The following OTOP1 variants were observed in gnomAD, a reference collection of about 807,000 sequenced individuals.
OTOP1 encodes proton channel OTOP1.
Under a neutral mutation model 52.9 loss-of-function variants are expected in OTOP1, and 59 were observed. The ratio of observed to expected loss-of-function variants is 1.12; its 90% CI spans 0.91 to 1.39. OTOP1 has a LOEUF of 1.39. Ranked by LOEUF, OTOP1 falls within the 40% of genes most tolerant of loss-of-function variation. The pLI is 0.00. For missense variants in OTOP1, 761 were observed against 800.9 expected (o/e 0.95, Z 0.60); for synonymous variants, 317 against 337.7 (o/e 0.94, Z 0.67).
rs371681642 is a variant in OTOP1, at chr4:4,210,354, C to A, written c.540+2514G>T. The stretch of plus-strand genomic sequence containing the variant: ...CAGCTTGGGCTGCCGTAACAAAGGA[C>A]CACAGACCATCAGCTTCAATCACAG... On this transcript the variant is annotated intron_variant, in intron 2 of 5. Transcript: ENST00000296358. Among the ~76,000 whole-genome samples the A allele has an allele frequency of 1.3e-3, 202 of 152,320 alleles. 3 individuals are homozygous for A. The South Asian group carries it at 0.039, about 30-fold the overall frequency.
chr4:4,204,345 C>A (rs1004659782), intron 3 of OTOP1, among the ~76,000 whole-genome samples: 2 of 152,124 alleles, frequency 1.3e-5, no homozygotes, highest in Admixed American at 6.5e-5. Context: ...TTATATAGAG[C>A]CTTTGACAAA....
chr4:4,215,068 G>A lies in OTOP1; in HGVS notation c.404-2064C>T, dbSNP rs1717110536. On this transcript the variant is annotated intron_variant, in intron 1 of 5. Coordinates refer to ENST00000296358, the MANE Select transcript of OTOP1 (RefSeq NM_177998.3). ...AGTCCAAGGTGGGAGGATCACTTGA[G>A]GCCAAGAGCCTAAGCAACCCCATCT... 2.6e-5 allele frequency among the ~76,000 whole-genome samples: 4 copies of A among 152,132 alleles called. No homozygotes were observed. In the South Asian group the frequency reaches 8.3e-4, roughly 32 times the overall value.
intron 3 of OTOP1, among the ~76,000 whole-genome samples, chr4:4,204,160 CA>C (rs202241280): frequency 2.6e-5 from 4 of 152,250 alleles, no homozygotes; most frequent in South Asian, 4.2e-4. Context: ...AAACTGCAGG[CA>C]AAACCTTGCC....
chr4:4,225,559 A>T (rs1717410096), intron 1 of OTOP1, among the ~76,000 whole-genome samples: 1 of 74,618 alleles, frequency 1.3e-5, no homozygotes, highest in Non-Finnish European at 2.6e-5. Flanking sequence ...ATAGAGCAAC[A>T]TTGTCTCAAA....
In OTOP1 at chr4:4,198,172, A is replaced by G. The variant is rs1335089977; in HGVS notation, c.731-69T>C. The G allele has an allele frequency of 2.2e-6, 3 of 1,362,934 alleles. No individual in the cohort carries two copies. In the African/African-American group the frequency reaches 4.3e-5, roughly 20 times the overall value. 84.4% of individuals were successfully genotyped at this position (1,362,934 alleles called of 1,614,324 possible). On this transcript the variant is annotated intron_variant, in intron 4 of 5. Coordinates refer to ENST00000296358, the MANE Select transcript of OTOP1 (RefSeq NM_177998.3). The stretch of plus-strand genomic sequence containing the variant: ...GCAAGGGGGAACAGAAAAGCACAGA[A>G]AACTGTTTCCACCGTGGATTCAGGC...
In OTOP1 at chr4:4,194,699, G is replaced by C. The variant is rs2980120; in HGVS notation, c.1668+2467C>G. On this transcript the variant is annotated intron_variant, in intron 5 of 5. Coordinates refer to ENST00000296358, the MANE Select transcript of OTOP1 (RefSeq NM_177998.3). ...TGCTAGGGCAACAGAGAGCAGGCTT[G>C]ATAACGGAGGCTGGTAGCAAAGAGC... Among the ~76,000 whole-genome samples, 633 of 152,330 alleles carry C rather than the reference G, an allele frequency of 4.2e-3. 4 individuals are homozygous for C. Among genetic ancestry groups the C allele is most frequent in the African/African-American group, 0.014 (599 of 41,574 alleles).
intron 1 of OTOP1, among the ~76,000 whole-genome samples, chr4:4,218,709 C>T (rs1206546282): frequency 6.6e-6 from 1 of 152,116 alleles, no homozygotes; most frequent in Non-Finnish European, 1.5e-5. Context: ...GGGTGGAACA[C>T]TTGAGGTCAG....
chr4:4,216,479 A>G (rs1483728557), intron 1 of OTOP1, among the ~76,000 whole-genome samples: 2 of 152,130 alleles, frequency 1.3e-5, no homozygotes, highest in Non-Finnish European at 2.9e-5. Context: ...AGCAGAGAGG[A>G]GGGCATGAGC....
At chr4:4,208,983 C>T (rs1716969342) in intron 2 of OTOP1, among the ~76,000 whole-genome samples, 1 of 152,164 alleles carries the variant, frequency 6.6e-6, no homozygotes, top group Non-Finnish European at 1.5e-5. Context: ...TCTAGAGGCT[C>T]AAAGCCAGAG....
In OTOP1 at chr4:4,188,821, C is replaced by A. The variant is rs1716416293; in HGVS notation, c.1821G>T (p.Glu607Asp). 6.2e-7 allele frequency: 1 copy of A among 1,613,350 alleles called. No homozygotes were observed. The highest frequency in any genetic ancestry group is 8.5e-7 in the Non-Finnish European group (1 of 1,179,592). Residue 607 changes from glutamate to aspartate, a missense_variant, in exon 6 of 6, where the codon GAG (glutamate) becomes GAT (aspartate). Glu to Asp is a conservative substitution (Grantham distance 45). This residue lies in a region of OTOP1 where 632 missense variants were observed against 619.5 expected (regional missense o/e 1.02). Coordinates refer to ENST00000296358, the MANE Select transcript of OTOP1 (RefSeq NM_177998.3). ...ACCCAGACTATATCTTACAATAGAC[C>A]TCAAAGAGGGAGGCAGCTGCGTGCA... is the stretch of plus-strand genomic sequence containing the variant. ...YRMHAAASLF[E>D]VYCKI
chr4:4,201,066 T>A (rs2108798813), intron 4 of OTOP1, among the ~76,000 whole-genome samples: 1 of 152,300 alleles, frequency 6.6e-6, no homozygotes, highest in South Asian at 2.1e-4. Context: ...CTCGATCACG[T>A]GTTCACTGTG....
intron 5 of OTOP1, among the ~76,000 whole-genome samples, chr4:4,191,796 A>G (rs1332499509): frequency 6.6e-6 from 1 of 152,166 alleles, no homozygotes; most frequent in Non-Finnish European, 1.5e-5. Context: ...CCTGGTTTGT[A>G]AGCCCCATAA....
chr4:4,205,371 G>A (rs1389800377), intron 3 of OTOP1, among the ~76,000 whole-genome samples: 1 of 152,184 alleles, frequency 6.6e-6, no homozygotes, highest in Non-Finnish European at 1.5e-5. Flanking sequence ...CTCTCCCTGC[G>A]CCTGCCTGAA....
intron 1 of OTOP1, among the ~76,000 whole-genome samples, chr4:4,216,680 T>G (rs2108804333): frequency 6.6e-6 from 1 of 152,300 alleles, no homozygotes; most frequent in East Asian, 1.9e-4. Context: ...TCCCAGTGCT[T>G]TGAAATGTTC....
intron 4 of OTOP1, among the ~76,000 whole-genome samples, chr4:4,200,902 A>G (rs1716769488): frequency 6.6e-6 from 1 of 152,074 alleles, no homozygotes; most frequent in Admixed American, 6.6e-5. Context: ...TTACAATTCA[A>G]TACGGTGTTA....
chr4:4,203,853 G>A (rs904067192), intron 3 of OTOP1, among the ~76,000 whole-genome samples: 10 of 152,232 alleles, frequency 6.6e-5, no homozygotes, highest in Admixed American at 5.9e-4. Context: ...CAGGCTTTGG[G>A]TGGGTCCCCT....
intron 2 of OTOP1, among the ~76,000 whole-genome samples, chr4:4,208,013 C>T (rs1716944856): frequency 6.6e-6 from 1 of 152,132 alleles, no homozygotes; most frequent in South Asian, 2.1e-4. Context: ...GGAATAGTTG[C>T]TTATGCATCC....
At chr4:4,206,286 A>G (rs1370832457) in intron 2 of OTOP1, among the ~76,000 whole-genome samples, 156 bp from the exon 3 acceptor site, 1 of 152,196 alleles carries the variant, frequency 6.6e-6, no homozygotes, top group Non-Finnish European at 1.5e-5. Flanking sequence ...CCACTCCTCA[A>G]TGGGGACAAT....
chr4:4,212,856 T>G lies in OTOP1; in HGVS notation c.540+12A>C. On this transcript the variant is annotated intron_variant, in intron 2 of 5. Transcript: ENST00000296358. ...AGGAATGAGACAATATAAATAAACA[T>G]CAGTGGTTTACCTGCAACAAAGTAT... is the stretch of plus-strand genomic sequence containing the variant. 6.2e-7 allele frequency: 1 copy of G among 1,613,660 alleles called. No homozygotes were observed. Among genetic ancestry groups the G allele is most frequent in the Non-Finnish European group, 8.5e-7 (1 of 1,179,632 alleles).
Sources: gnomAD v4.1 joint callset for allele counts (sites outside exome capture counted in the v4.1 genomes callset) on GRCh38, gnomAD v4.1.1 for gene constraint, gnomAD v4.1.1 regional missense constraint, MANE v1.5 for transcripts, NCBI Gene and HGNC (gene_info 2026-07-23, HGNC 2026-07-21) for gene names.